AGAP4: variants seen among roughly 807,000 people sequenced by gnomAD.
AGAP4 encodes the protein arf-GAP with GTPase, ANK repeat and PH domain-containing protein 4.
A neutral mutation model predicts 60.7 loss-of-function variants in AGAP4; 13 were observed. The observed-to-expected ratio is 0.21, with a 90% CI of 0.14 to 0.34. The LOEUF (loss-of-function observed/expected upper bound fraction) is 0.34, where lower values mean the gene tolerates loss of function less well. Ranked by LOEUF, AGAP4 falls within the 10% of genes least tolerant of loss-of-function variation. AGAP4 has a pLI of 1.00. For missense variants in AGAP4, 169 were observed against 884.0 expected, an observed-to-expected ratio of 0.19 and a Z score of 10.26; for synonymous variants, 70 against 339.0, an observed-to-expected ratio of 0.21 and a Z score of 8.72.
At chr10:45,847,577 C>T (rs1409647527), upstream of AGAP4, 4 of 1,436,714 alleles carry the variant, frequency 2.8e-6, no homozygotes, top group Non-Finnish European at 3.6e-6. Flanking sequence ...CCTGAGTTGA[C>T]TTGTCTGGGA....
intron 4 of AGAP4, among the ~76,000 whole-genome samples, chr10:45,838,795 T>G (rs1457394487): frequency 6.6e-6 from 1 of 151,782 alleles, no homozygotes; most frequent in African/African-American, 2.4e-5. Context: ...AGGCTAAAAA[T>G]GAACAAATCT....
intron 6 of AGAP4, among the ~76,000 whole-genome samples, chr10:45,828,499 T>A (rs2058680443): frequency 6.8e-6 from 1 of 147,626 alleles, no homozygotes. Flanking sequence ...GATGTATTTA[T>A]GTACTTTCTG....
chr10:45,844,328 T>A lies in AGAP4; in HGVS notation c.359A>T (p.Asp120Val). The A allele has an allele frequency of 6.3e-7, 1 of 1,594,568 alleles. No individual in the cohort carries two copies. Among genetic ancestry groups the A allele is most frequent in the Admixed American group, 1.7e-5 (1 of 59,846 alleles). The change falls in exon 3 of 8, where the codon GAT becomes GTT. Residue 120 changes from aspartate to valine, a missense_variant and splice_region_variant. Asp to Val is a radical substitution (Grantham distance 152, BLOSUM62 -3). Coordinates refer to ENST00000616763, the MANE Select transcript of AGAP4 (RefSeq NM_001276343.3). ...TGGAAAAAACAATGTCGTCTCACCA[T>A]CTGTTTGAGAGTTCCTCTGGAATAT... ...STIFQRNSQT[D>V]VVEIRRSNCT...
upstream of AGAP4, among the ~76,000 whole-genome samples, chr10:45,852,079 A>C (rs2059089956): frequency 6.7e-6 from 1 of 149,750 alleles, no homozygotes; most frequent in African/African-American, 2.5e-5. Flanking sequence ...TGTCCAGCTA[A>C]TTTTTTGTAT....
intron 6 of AGAP4, among the ~76,000 whole-genome samples, chr10:45,829,961 G>T (rs78708907): frequency 1.4e-5 from 2 of 146,430 alleles, no homozygotes; most frequent in African/African-American, 5.0e-5. Flanking sequence ...ATGCAAGTAT[G>T]GAGCAAAAGA....
At chr10:45,852,072 C>G (rs557644375), upstream of AGAP4, among the ~76,000 whole-genome samples, 4,146 of 149,684 alleles carry the variant, frequency 0.028, 191 homozygotes, top group African/African-American at 0.095. Flanking sequence ...GTTACCATGT[C>G]CAGCTAATTT....
At chr10:45,846,399 A>G (rs1435148824) in intron 2 of AGAP4, among the ~76,000 whole-genome samples, 3 of 151,864 alleles carry the variant, frequency 2.0e-5, no homozygotes, top group African/African-American at 7.3e-5. Context: ...TAAGAATACC[A>G]TATAGCCTCT....
rs1358335145 is a variant in AGAP4, at chr10:45,831,390, T to C, written c.533+4A>G. 1 of 1,585,538 alleles carries C rather than the reference T, an allele frequency of 6.3e-7. No homozygotes were observed. Among genetic ancestry groups the C allele is most frequent in the East Asian group, 2.2e-5 (1 of 44,696 alleles). Reference sequence around the variant, plus strand: ...ATAACAAGACAGGTTTCTAAAAAGCTCACCTTTGTGTGATATGATGAGGTA... The same window carrying C: ...ATAACAAGACAGGTTTCTAAAAAGCCCACCTTTGTGTGATATGATGAGGTA... On this transcript the variant is annotated splice_donor_region_variant and intron_variant, in intron 6 of 7. Coordinates refer to ENST00000616763, the MANE Select transcript of AGAP4 (RefSeq NM_001276343.3).
Position 45,844,204 on chromosome 10 carries a change from A to T in AGAP4, c.361+122T>A, listed in dbSNP as rs1458996648. ...AGTATATCACATATTAAAATAAGAC[A>T]AGGGAACATGTGAAAAGATGAAAAT... On this transcript the variant is annotated intron_variant, in intron 3 of 7. Coordinates refer to ENST00000616763, the MANE Select transcript of AGAP4 (RefSeq NM_001276343.3). The T allele has an allele frequency of 4.7e-6, 4 of 856,118 alleles. 1 individual carries two copies. In the African/African-American group the frequency reaches 5.5e-5, roughly 12 times the overall value. The allele number at this position is 856,118 out of a possible 1,614,324, so 53.0% of individuals were successfully genotyped here.
intron 1 of AGAP4, among the ~76,000 whole-genome samples, chr10:45,852,689 G>T (rs1353327328): frequency 7.3e-5 from 11 of 151,522 alleles, no homozygotes; most frequent in Non-Finnish European, 1.6e-4. Flanking sequence ...AATAGGTGAT[G>T]TGTTGAAATG....
At chr10:45,835,922 ACT>A (rs2058809435) in intron 4 of AGAP4, among the ~76,000 whole-genome samples, 1 of 151,846 alleles carries the variant, frequency 6.6e-6, no homozygotes, top group African/African-American at 2.4e-5. Flanking sequence ...AGAAACAAAC[ACT>A]CTAACGTCAG....
Position 45,834,122 on chromosome 10 carries a change from G to A in AGAP4, c.397-6C>T, listed in dbSNP as rs1306755718. ...CTGAAACGCACAGTAGATACCTGAA[G>A]GGGAAGGGAAGTGTAAGTCAAACTT... On this transcript the variant is annotated splice_polypyrimidine_tract_variant and splice_region_variant and intron_variant, in intron 4 of 7. Transcript: ENST00000616763. 2 of 1,582,148 alleles carry A rather than the reference G, an allele frequency of 1.3e-6. No individual in the cohort carries two copies. The highest frequency in any genetic ancestry group is 1.1e-5 in the South Asian group (1 of 89,632).
chr10:45,831,880 C>T lies in AGAP4; in HGVS notation c.498-451G>A, dbSNP rs1289306916. Among the ~76,000 whole-genome samples, 23 of 146,514 alleles carry T rather than the reference C, an allele frequency of 1.6e-4. 1 individual carries two copies. The highest frequency in any genetic ancestry group is 4.1e-4 in the Admixed American group (6 of 14,520). On this transcript the variant is annotated intron_variant, in intron 5 of 7. Coordinates refer to ENST00000616763, the MANE Select transcript of AGAP4 (RefSeq NM_001276343.3). ...TCAGCCTCCCAAGAAGCTGGGACTA[C>T]AAGTTTGTGCCACTATGCCCAGATA...
rs1554896389 is a variant in AGAP4 at position 45,826,733 on chromosome 10, A to C, written c.1243T>G (p.Ser415Ala). The change falls in exon 8 of 8, where the codon TCT becomes GCT. Residue 415 changes from serine to alanine, a missense_variant. Coordinates refer to ENST00000616763, the MANE Select transcript of AGAP4 (RefSeq NM_001276343.3). ...AAGTGCCACGTTTGGCCAGTGGCAG[A>C]CACAATCATAAAGTTGTTGGTGCTT... ...KKSTNNFMIVSATGQTWHFEA... is the reference protein window; with the variant it reads ...KKSTNNFMIVAATGQTWHFEA... The C allele has an allele frequency of 1.4e-6, 2 of 1,455,674 alleles. No homozygotes were observed. Among genetic ancestry groups the C allele is most frequent in the East Asian group, 4.6e-5 (2 of 43,162 alleles). 90.2% of individuals were successfully genotyped at this position (1,455,674 alleles called of 1,614,324 possible).
intron 2 of AGAP4, among the ~76,000 whole-genome samples, chr10:45,845,633 C>T (rs1269333187): frequency 3.6e-5 from 4 of 111,302 alleles, no homozygotes; most frequent in Non-Finnish European, 5.8e-5. Context: ...GACGGAGTCT[C>T]GCTCTGTCAC....
At chr10:45,837,799 G>T (rs2058847297) in intron 4 of AGAP4, among the ~76,000 whole-genome samples, 6 of 150,930 alleles carry the variant, frequency 4.0e-5, no homozygotes, top group Non-Finnish European at 8.9e-5. Context: ...CCGTCTAGAC[G>T]CTGGCTTAGG....
intron 4 of AGAP4, among the ~76,000 whole-genome samples, chr10:45,841,106 T>G (rs1161708309): frequency 1.2e-5 from 1 of 83,952 alleles, no homozygotes; most frequent in Non-Finnish European, 2.5e-5. Context: ...TTAAGGCAAT[T>G]TTTTTTTTTT....
intron 6 of AGAP4, 22 bp downstream of exon 6, chr10:45,831,372 G>T: frequency 6.3e-7 from 1 of 1,580,050 alleles, no homozygotes; most frequent in Non-Finnish European, 8.6e-7. Flanking sequence ...AGAATAACAA[G>T]ACAGGTTTCT....
chr10:45,849,351 C>G (rs1236613836), upstream of AGAP4, among the ~76,000 whole-genome samples: 40 of 151,786 alleles, frequency 2.6e-4, no homozygotes, highest in African/African-American at 9.7e-4. Flanking sequence ...CTCGACACAT[C>G]AGGATTATGG....
Sources: allele counts gnomAD v4.1 joint callset (sites outside exome capture counted in the v4.1 genomes callset), GRCh38; gene constraint gnomAD v4.1.1; transcripts MANE v1.5; gene names NCBI Gene and HGNC (gene_info 2026-07-23, HGNC 2026-07-21).